The following MEIKIN variants were observed in gnomAD, a reference collection of about 807,000 sequenced individuals.
MEIKIN encodes the protein meiosis-specific kinetochore protein.
intron 6 of MEIKIN, among the ~76,000 whole-genome samples, chr5:131,918,228 T>A (rs1216092961): frequency 1.3e-5 from 2 of 152,200 alleles, no homozygotes; most frequent in Non-Finnish European, 1.5e-5. Context: ...AGGAAATGGA[T>A]CCTACCGATA....
intron 7 of MEIKIN, among the ~76,000 whole-genome samples, chr5:131,914,397 A>AG (rs1158488057): frequency 6.6e-6 from 1 of 150,414 alleles, no homozygotes; most frequent in Non-Finnish European, 1.5e-5. Context: ...AAAAAAAAAA[A>AG]AGAAAGAAAG....
At chr5:131,855,593 G>A (rs1490302153) in intron 9 of MEIKIN, among the ~76,000 whole-genome samples, 3 of 151,802 alleles carry the variant, frequency 2.0e-5, no homozygotes, top group African/African-American at 7.3e-5. Flanking sequence ...GAGGAGAGGA[G>A]AGGAGGTAGG....
intron 8 of MEIKIN, among the ~76,000 whole-genome samples, chr5:131,908,702 T>C (rs1049420262): frequency 2.0e-5 from 3 of 152,114 alleles, no homozygotes; most frequent in African/African-American, 4.8e-5. Context: ...ACCAAAAAAC[T>C]AGTAGAACTG....
intron 11 of MEIKIN, among the ~76,000 whole-genome samples, chr5:131,821,084 C>A (rs1450155142): frequency 6.6e-6 from 1 of 151,994 alleles, no homozygotes; most frequent in African/African-American, 2.4e-5. Context: ...CTTTAAGATG[C>A]GTCATTAGAT....
At chr5:131,808,022 A>G (rs1322911710) in intron 12 of MEIKIN, among the ~76,000 whole-genome samples, 1 of 152,250 alleles carries the variant, frequency 6.6e-6, no homozygotes, top group Non-Finnish European at 1.5e-5. Flanking sequence ...AGTGGGGTCC[A>G]TGGACCAGTT....
rs573276936 is a variant in MEIKIN at position 131,809,822 on chromosome 5, A to C, written c.1100-2564T>G. 3.7e-3 allele frequency among the ~76,000 whole-genome samples: 556 copies of C among 151,638 alleles called. 5 individuals are homozygous for C. Among genetic ancestry groups the C allele is most frequent in the African/African-American group, 5.6e-3 (233 of 41,456 alleles). ...AAAAAACAAGCAAACAAACGAACAAAAAAAAAAAAACAAACAAAACCAAAG... is the reference window on the plus strand; with the variant it reads ...AAAAAACAAGCAAACAAACGAACAACAAAAAAAAAACAAACAAAACCAAAG... On this transcript the variant is annotated intron_variant, in intron 12 of 12. Coordinates refer to ENST00000442687, the MANE Select transcript of MEIKIN (RefSeq NM_001303622.2).
At position 131,940,463 on chromosome 5, in the gene MEIKIN, C is replaced by T. The variant is rs143970692; in HGVS notation, c.349+2172G>A. On this transcript the variant is annotated intron_variant, in intron 4 of 12. Coordinates refer to ENST00000442687, the MANE Select transcript of MEIKIN (RefSeq NM_001303622.2). ...GCAGCCTGCTATATTATGGATTCAGCGGCCTCTGGTATCTACAGATATTTA... is the reference window on the plus strand; with the variant it reads ...GCAGCCTGCTATATTATGGATTCAGTGGCCTCTGGTATCTACAGATATTTA... Among the ~76,000 whole-genome samples, 578 of 152,180 alleles carry T rather than the reference C, an allele frequency of 3.8e-3. 4 individuals are homozygous for T. Among genetic ancestry groups the T allele is most frequent in the African/African-American group, 0.013 (546 of 41,508 alleles).
intron 12 of MEIKIN, among the ~76,000 whole-genome samples, chr5:131,809,698 C>T (rs954781613): frequency 1.3e-5 from 2 of 151,374 alleles, no homozygotes. Context: ...CCCAGCTACT[C>T]GGGAGGCTGA....
At chr5:131,853,455 T>C (rs962999695) in intron 10 of MEIKIN, among the ~76,000 whole-genome samples, 3 of 152,068 alleles carry the variant, frequency 2.0e-5, no homozygotes, top group African/African-American at 4.8e-5. Flanking sequence ...GATTTGATAA[T>C]CATTTCTTGG....
intron 11 of MEIKIN, among the ~76,000 whole-genome samples, chr5:131,828,463 C>T (rs1210736546): frequency 4.6e-5 from 7 of 152,060 alleles, no homozygotes; most frequent in Admixed American, 3.9e-4. Flanking sequence ...TGTGCCTGGC[C>T]TAATATAAGA....
chr5:131,928,229 T>C (rs888931712), intron 5 of MEIKIN, among the ~76,000 whole-genome samples: 5 of 152,092 alleles, frequency 3.3e-5, no homozygotes, highest in African/African-American at 7.2e-5. Flanking sequence ...TCAGTCACTC[T>C]GTGTTTTGAT....
At chr5:131,826,800 T>C (rs1749617373) in intron 11 of MEIKIN, among the ~76,000 whole-genome samples, 1 of 152,122 alleles carries the variant, frequency 6.6e-6, no homozygotes, top group Admixed American at 6.5e-5. Flanking sequence ...CCTTCCACCA[T>C]GATTGTAAGT....
At chr5:131,837,006 T>G (rs749821757) in intron 11 of MEIKIN, among the ~76,000 whole-genome samples, 6 of 152,302 alleles carry the variant, frequency 3.9e-5, no homozygotes, top group Non-Finnish European at 8.8e-5. Flanking sequence ...GTTTTGGGTT[T>G]TATATTTAGG....
In MEIKIN at chr5:131,864,711, G is replaced by C. The variant is rs1357280686; in HGVS notation, c.775-9877C>G. Reference sequence around the variant, plus strand: ...GCCATGGAGAAGACATTTTTATGTTGTATCTGTCTGGGAAATCACTGAGCC... The same window carrying C: ...GCCATGGAGAAGACATTTTTATGTTCTATCTGTCTGGGAAATCACTGAGCC... On this transcript the variant is annotated intron_variant, in intron 9 of 12. Transcript: ENST00000442687. Among the ~76,000 whole-genome samples, 27 of 152,102 alleles carry C rather than the reference G, an allele frequency of 1.8e-4. 1 individual carries two copies. Among genetic ancestry groups the C allele is most frequent in the Admixed American group, 1.8e-3 (27 of 15,270 alleles).
intron 8 of MEIKIN, among the ~76,000 whole-genome samples, chr5:131,890,018 T>C (rs1233632417): frequency 6.6e-6 from 1 of 152,256 alleles, no homozygotes; most frequent in Admixed American, 6.5e-5. Flanking sequence ...TTACGTTTAC[T>C]GATTTTCGTA....
chr5:131,895,994 A>G (rs1243735123), intron 8 of MEIKIN, among the ~76,000 whole-genome samples: 1 of 152,032 alleles, frequency 6.6e-6, no homozygotes, highest in Non-Finnish European at 1.5e-5. Context: ...TCGATTTTGG[A>G]TCTCTCCTGC....
At chr5:131,876,938 T>C (rs924877521) in intron 9 of MEIKIN, among the ~76,000 whole-genome samples, 34 of 142,750 alleles carry the variant, frequency 2.4e-4, no homozygotes, top group African/African-American at 6.8e-4. Context: ...TAGGTGGGAA[T>C]TGAACAGTGA....
Position 131,933,523 on chromosome 5 carries a change from T to G in MEIKIN, c.468A>C (p.Ser156=), listed in dbSNP as rs2149652698. The G allele has an allele frequency of 2.5e-6, 1 of 398,678 alleles. No individual in the cohort carries two copies. Among genetic ancestry groups the G allele is most frequent in the East Asian group, 3.6e-5 (1 of 28,034 alleles). The allele number at this position is 398,678 out of a possible 1,614,324, so 24.7% of individuals were successfully genotyped here. A position where few individuals can be genotyped will look rare whatever the true frequency, so the allele number is the denominator to read the frequency against. Residue 156 remains serine (S), a synonymous_variant, in exon 5 of 13, where the codon TCA becomes TCC. Coordinates refer to ENST00000442687, the MANE Select transcript of MEIKIN (RefSeq NM_001303622.2). ...GAATTACTTTCTCACCTAAATAATC[T>G]GATTTTCTGAACAGTTCAGGTGATG... The part of the protein sequence containing the change: ...SFPSPELFRK[S]DYLDWECPNL...
At chr5:131,863,728 T>C (rs1414104542) in intron 9 of MEIKIN, among the ~76,000 whole-genome samples, 1 of 152,142 alleles carries the variant, frequency 6.6e-6, no homozygotes, top group Non-Finnish European at 1.5e-5. Context: ...CTTCCATAAT[T>C]CTCACATGTT....
Sources: allele counts gnomAD v4.1 joint callset (sites outside exome capture counted in the v4.1 genomes callset), GRCh38; gene constraint gnomAD v4.1.1; transcripts MANE v1.5; gene names NCBI Gene and HGNC (gene_info 2026-07-23, HGNC 2026-07-21).